ANKFN1: variants seen among roughly 807,000 people sequenced by gnomAD.
The protein encoded by ANKFN1 is ankyrin repeat and fibronectin type III domain containing 1.
In ANKFN1, 74 loss-of-function variants were observed where a neutral mutation model predicts 108.7. The ratio of observed to expected loss-of-function variants is 0.68; its 90% confidence interval spans 0.56 to 0.83. The LOEUF is 0.83. ANKFN1 is among the 40% of genes least tolerant of loss of function. The probability of loss-of-function intolerance (pLI) is 0.00; values close to 1 mark genes in which losing one functional copy is unlikely to be tolerated. For missense variants in ANKFN1, 1,505 were observed against 1,382.3 expected (o/e 1.09, Z -1.41); for synonymous variants, 547 against 516.2 (o/e 1.06, Z -0.81).
chr17:56,372,670 T>G lies in ANKFN1; in HGVS notation c.626T>G (p.Met209Arg). The G allele has an allele frequency of 6.2e-7, 1 of 1,612,688 alleles. No homozygotes were observed. The highest frequency in any genetic ancestry group is 1.1e-5 in the South Asian group (1 of 90,904). ...PHFVSLESRAMHLNTLVQEAQ... is the reference protein window; with the variant it reads ...PHFVSLESRARHLNTLVQEAQ... ...GTTGTCAGCCTGGAAAGCCGAGCAA[T>G]GCACCTCAACACACTGGTCCAGGAA... The change falls in exon 7 of 21, where the codon ATG becomes AGG. Residue 209 changes from methionine (M) to arginine (R), a missense_variant. Coordinates refer to ENST00000682825, the MANE Select transcript of ANKFN1 (RefSeq NM_001370326.1).
intron 10 of ANKFN1, among the ~76,000 whole-genome samples, chr17:56,447,575 A>G (rs2049340270): frequency 6.6e-6 from 1 of 152,228 alleles, no homozygotes; most frequent in Admixed American, 6.5e-5. Flanking sequence ...GAAAAGTAAA[A>G]TAAAGACAGG....
chr17:56,220,904 A>G (rs28886949), intron 2 of ANKFN1, among the ~76,000 whole-genome samples: 863 of 53,604 alleles, frequency 0.016, 73 homozygotes, highest in African/African-American at 0.13. Flanking sequence ...GGAAGGAAGG[A>G]AGGGAGTGGG....
chr17:56,512,974 A>G lies in ANKFN1; in HGVS notation c.*1705A>G, dbSNP rs1166456710. ...ATGACTGGGAGGATTTTAAAATGCA[A>G]TTTTCTTCTGTCTAAGTGAATTCTA... On this transcript the variant is annotated 3_prime_UTR_variant, in exon 21 of 21. Transcript: ENST00000682825. 2.6e-5 allele frequency among the ~76,000 whole-genome samples: 4 copies of G among 152,230 alleles called. No homozygotes were observed. Among genetic ancestry groups the G allele is most frequent in the Non-Finnish European group, 4.4e-5 (3 of 68,026 alleles).
rs1910241819 is a variant in ANKFN1, at chr17:56,167,316, CACATATATATAT to C, written c.-71+13788_-71+13799del. Reference sequence around the variant, plus strand: ...ACACATACATATATACACACACACACACATATATATATATATATATATATATGTAATTGAAAA... The same window carrying C: ...ACACATACATATATACACACACACACATATATATATATATGTAATTGAAAA... On this transcript the variant is annotated intron_variant, in intron 1 of 20. Coordinates refer to ENST00000682825, the MANE Select transcript of ANKFN1 (RefSeq NM_001370326.1). Among the ~76,000 whole-genome samples, 3 of 75,748 alleles carry C rather than the reference CACATATATATAT, an allele frequency of 4.0e-5. No homozygotes were observed. In the Admixed American group the frequency reaches 4.4e-4, roughly 11 times the overall value. The allele number at this position is 75,748 out of a possible 152,430, so 49.7% of individuals were successfully genotyped here.
At chr17:56,294,375 G>T (rs112318327) in intron 3 of ANKFN1, among the ~76,000 whole-genome samples, 1 of 152,192 alleles carries the variant, frequency 6.6e-6, no homozygotes, top group African/African-American at 2.4e-5. Flanking sequence ...GCCAGGAGCC[G>T]ACTTCAAGAT....
rs563373973 is a variant in ANKFN1 at position 56,405,805 on chromosome 17, C to A, written c.910+31091C>A. 5.3e-5 allele frequency among the ~76,000 whole-genome samples: 8 copies of A among 152,176 alleles called. No homozygotes were observed. In the East Asian group the frequency reaches 1.4e-3, roughly 26 times the overall value. ...GAAAGAGCATATATGTAATATACTACCTTTTGTGTAAAATTGAGGGAGGAG... is the reference window on the plus strand; with the variant it reads ...GAAAGAGCATATATGTAATATACTAACTTTTGTGTAAAATTGAGGGAGGAG... On this transcript the variant is annotated intron_variant, in intron 8 of 20. Transcript: ENST00000682825.
chr17:56,345,450 T>C (rs1000521360), intron 4 of ANKFN1, among the ~76,000 whole-genome samples: 1 of 152,162 alleles, frequency 6.6e-6, no homozygotes, highest in African/African-American at 2.4e-5. Flanking sequence ...TGGTTCTAGA[T>C]CCTTGAGGAA....
At chr17:56,086,062 A>G (rs1905310058) in intron 4 of ANKFN1, among the ~76,000 whole-genome samples, 1 of 151,148 alleles carries the variant, frequency 6.6e-6, no homozygotes, top group Admixed American at 6.6e-5. Context: ...AATAAAATTT[A>G]GAATTTAATA....
chr17:56,418,871 G>C (rs2048316805), intron 8 of ANKFN1, among the ~76,000 whole-genome samples: 1 of 151,782 alleles, frequency 6.6e-6, no homozygotes, highest in Admixed American at 6.6e-5. Flanking sequence ...AGGGGTTAAT[G>C]CACCTTGCCC....
At chr17:56,205,737 T>A (rs898295185) in intron 1 of ANKFN1, among the ~76,000 whole-genome samples, 4 of 152,194 alleles carry the variant, frequency 2.6e-5, no homozygotes, top group African/African-American at 9.7e-5. Context: ...TTTCATTATA[T>A]CTATAGAGTG....
intron 3 of ANKFN1, among the ~76,000 whole-genome samples, chr17:56,322,124 TTC>T (rs1205840183): frequency 1.8e-4 from 28 of 152,246 alleles, no homozygotes; most frequent in Admixed American, 1.6e-3. Context: ...TTCTGTTCTT[TTC>T]TCTGTCTTAA....
intron 4 of ANKFN1, among the ~76,000 whole-genome samples, chr17:56,085,295 G>A (rs748356845): frequency 2.7e-5 from 4 of 149,860 alleles, no homozygotes; most frequent in East Asian, 3.9e-4. Context: ...TGAGGTGATC[G>A]TAGATTACCA....
intron 8 of ANKFN1, among the ~76,000 whole-genome samples, chr17:56,410,123 G>A (rs2048044101): frequency 6.6e-6 from 1 of 152,156 alleles, no homozygotes; most frequent in African/African-American, 2.4e-5. Context: ...GTCTCACTCT[G>A]TCACCAGGCT....
At chr17:56,322,020 C>T (rs2045382690) in intron 3 of ANKFN1, among the ~76,000 whole-genome samples, 1 of 152,194 alleles carries the variant, frequency 6.6e-6, no homozygotes, top group Non-Finnish European at 1.5e-5. Flanking sequence ...TCATCTGTCA[C>T]AGCCTGGGCT....
At chr17:56,495,005 C>A (rs1039542314) in intron 19 of ANKFN1, among the ~76,000 whole-genome samples, 4 of 152,080 alleles carry the variant, frequency 2.6e-5, no homozygotes, top group Non-Finnish European at 5.9e-5. Flanking sequence ...TATGTCACAC[C>A]ATTAAGTGGG....
At chr17:56,199,202 T>C (rs1032727289) in intron 1 of ANKFN1, among the ~76,000 whole-genome samples, 4 of 151,908 alleles carry the variant, frequency 2.6e-5, no homozygotes, top group East Asian at 1.9e-4. Flanking sequence ...AGTTGCTTTA[T>C]GTTTTTTGTT....
intron 4 of ANKFN1, among the ~76,000 whole-genome samples, chr17:56,050,632 C>T (rs1904758677): frequency 6.6e-6 from 1 of 151,284 alleles, no homozygotes; most frequent in Non-Finnish European, 1.5e-5. Context: ...TTTCCCAGCA[C>T]CATTTATTAA....
At chr17:56,418,228 T>C (rs2048298576) in intron 8 of ANKFN1, among the ~76,000 whole-genome samples, 1 of 152,228 alleles carries the variant, frequency 6.6e-6, no homozygotes, top group Non-Finnish European at 1.5e-5. Context: ...TTCTTTGTTA[T>C]TTGGTAAGGA....
At chr17:56,350,409 G>A (rs189965074) in intron 4 of ANKFN1, among the ~76,000 whole-genome samples, 73 of 152,240 alleles carry the variant, frequency 4.8e-4, no homozygotes, top group African/African-American at 1.7e-3. Flanking sequence ...GAATTGAACA[G>A]ACCCCCTAGG....
Sources: allele counts gnomAD v4.1 joint callset (sites outside exome capture counted in the v4.1 genomes callset), GRCh38; gene constraint gnomAD v4.1.1; transcripts MANE v1.5; gene names NCBI Gene and HGNC (gene_info 2026-07-23, HGNC 2026-07-21).